HS3ST5: variants seen among roughly 807,000 people sequenced by gnomAD.
HS3ST5 encodes heparan sulfate-glucosamine 3-sulfotransferase 5, also known as heparan sulfate glucosamine 3-O-sulfotransferase 5.
Under a neutral mutation model 25.4 loss-of-function variants are expected in HS3ST5, and 10 were observed. That is an observed-to-expected ratio of 0.39 (90% CI 0.24 to 0.67). The LOEUF (loss-of-function observed/expected upper bound fraction) is 0.67. HS3ST5 is among the 30% of genes least tolerant of loss of function. The pLI, the probability that HS3ST5 is intolerant of heterozygous loss-of-function variation, is 0.44. For missense variants in HS3ST5, 324 were observed against 420.7 expected (o/e 0.77, Z 2.01); for synonymous variants, 170 against 162.4 (o/e 1.05, Z -0.36).
intron 3 of HS3ST5, among the ~76,000 whole-genome samples, chr6:114,146,256 G>A (rs1778157188): frequency 6.6e-6 from 1 of 152,226 alleles, no homozygotes; most frequent in African/African-American, 2.4e-5. Flanking sequence ...TGCGAGCACT[G>A]TGAAAGAGTA....
At chr6:114,065,774 G>A (rs1043007851) in intron 3 of HS3ST5, among the ~76,000 whole-genome samples, 9 of 152,320 alleles carry the variant, frequency 5.9e-5, no homozygotes, top group Admixed American at 4.6e-4. Context: ...AAGGAAAAAT[G>A]TTCTTGCCCC....
At chr6:114,246,498 A>C (rs1157495958) in intron 1 of HS3ST5, among the ~76,000 whole-genome samples, 1 of 152,230 alleles carries the variant, frequency 6.6e-6, no homozygotes, top group Non-Finnish European at 1.5e-5. Context: ...CAGACCTATT[A>C]CAACTGGCTC....
chr6:114,104,933 T>C (rs945623845), intron 3 of HS3ST5, among the ~76,000 whole-genome samples: 10 of 152,116 alleles, frequency 6.6e-5, no homozygotes, highest in African/African-American at 2.4e-4. Flanking sequence ...CCAGTCATCT[T>C]TGCGGTTTAC....
chr6:114,275,230 C>A (rs1773800518), intron 1 of HS3ST5, among the ~76,000 whole-genome samples: 1 of 151,644 alleles, frequency 6.6e-6, no homozygotes, highest in South Asian at 2.1e-4. Context: ...CTTCATGCTC[C>A]TTAGCACCTA....
intron 2 of HS3ST5, among the ~76,000 whole-genome samples, chr6:114,214,149 C>G (rs948495036): frequency 6.6e-6 from 1 of 152,174 alleles, no homozygotes; most frequent in Non-Finnish European, 1.5e-5. Context: ...TCATCTGCAT[C>G]TTCCCTATAG....
chr6:114,119,698 G>A (rs1267010206), intron 3 of HS3ST5, among the ~76,000 whole-genome samples: 2 of 152,140 alleles, frequency 1.3e-5, no homozygotes, highest in Non-Finnish European at 2.9e-5. Context: ...TTACAATAAT[G>A]TCACAAATAA....
intron 1 of HS3ST5, among the ~76,000 whole-genome samples, chr6:114,293,664 A>G (rs1007660886): frequency 2.0e-5 from 3 of 152,250 alleles, no homozygotes; most frequent in African/African-American, 7.2e-5. Flanking sequence ...ATAATAATAC[A>G]TAAGAGCATA....
chr6:114,342,445 G>T lies in HS3ST5; in HGVS notation c.-589C>A. ...AGGCGGCGGCGGCGGCGGCGGCGGC[G>T]GCGAGGTCTGAGGCGGGGAGCCGGG... On this transcript the variant is annotated 5_prime_UTR_variant, in exon 1 of 5. Transcript: ENST00000312719. 5.2e-6 allele frequency: 1 copy of T among 193,284 alleles called. No homozygotes were observed. The highest frequency in any genetic ancestry group is 1.1e-4 in the South Asian group (1 of 8,766). 12.0% of individuals were successfully genotyped at this position (193,284 alleles called of 1,614,324 possible).
chr6:114,242,490 A>T (rs2114590877), intron 1 of HS3ST5, among the ~76,000 whole-genome samples: 1 of 152,334 alleles, frequency 6.6e-6, no homozygotes, highest in East Asian at 1.9e-4. Flanking sequence ...TTAGAGGAGG[A>T]TACTCAAGAA....
intron 3 of HS3ST5, among the ~76,000 whole-genome samples, chr6:114,115,238 T>A (rs1008705494): frequency 5.6e-4 from 86 of 152,260 alleles, no homozygotes; most frequent in African/African-American, 1.9e-3. Flanking sequence ...TAATTTTTTT[T>A]AATTCTGATT....
In HS3ST5 at chr6:114,058,030, G is replaced by A. The variant is rs1439776834; in HGVS notation, c.268C>T (p.Leu90Phe). 6.2e-7 allele frequency: 1 copy of A among 1,614,192 alleles called. No homozygotes were observed. Among genetic ancestry groups the A allele is most frequent in the Admixed American group, 1.7e-5 (1 of 60,026 alleles). Residue 90 changes from leucine to phenylalanine, a missense_variant, in exon 5 of 5, where the codon CTC becomes TTC. Around this residue, in one of 2 missense-constraint regions of HS3ST5, gnomAD observed 121 missense variants for 117.3 expected, o/e 1.03. Coordinates refer to ENST00000312719, the MANE Select transcript of HS3ST5 (RefSeq NM_153612.4). ...ACCCCAATGATAATGGCCTTGGGGAGCTGCTGGACCAGGTCATGGAGGCGA... is the reference window on the plus strand; with the variant it reads ...ACCCCAATGATAATGGCCTTGGGGAACTGCTGGACCAGGTCATGGAGGCGA... ...QVRLHDLVQQ[L>F]PKAIIIGVRK... is the part of the protein sequence containing the mutation.
intron 1 of HS3ST5, among the ~76,000 whole-genome samples, chr6:114,248,217 A>AAAT (rs779273890): frequency 0.14 from 20,135 of 142,710 alleles, 1,417 homozygotes; most frequent in Middle Eastern, 0.19. Flanking sequence ...TGAAAAAAAA[A>AAAT]ATATATATAT....
At chr6:114,132,028 TTTTAA>T (rs2114909574) in intron 3 of HS3ST5, 1 of 152,370 alleles carries the variant, frequency 6.6e-6, no homozygotes. Context: ...GCACCCTAAA[TTTTAA>T]TTTGTTTTTT....
chr6:114,299,752 TC>T (rs1409530026), intron 1 of HS3ST5, among the ~76,000 whole-genome samples: 3 of 152,180 alleles, frequency 2.0e-5, no homozygotes, highest in Non-Finnish European at 2.9e-5. Flanking sequence ...GTGATGATAT[TC>T]TTTGTGAGCA....
At chr6:114,288,136 A>G (rs1774417397) in intron 1 of HS3ST5, among the ~76,000 whole-genome samples, 1 of 152,100 alleles carries the variant, frequency 6.6e-6, no homozygotes. Flanking sequence ...TAATTAATCC[A>G]TTAGGACTAT....
intron 3 of HS3ST5, among the ~76,000 whole-genome samples, chr6:114,081,771 AT>A (rs1426276121): frequency 1.3e-5 from 2 of 152,076 alleles, no homozygotes; most frequent in African/African-American, 4.8e-5. Context: ...CATTATTTTT[AT>A]TGCTGTTTTA....
At chr6:114,118,544 C>T (rs1299534891) in intron 3 of HS3ST5, among the ~76,000 whole-genome samples, 1 of 152,182 alleles carries the variant, frequency 6.6e-6, no homozygotes, top group Non-Finnish European at 1.5e-5. Context: ...TACCTATTCT[C>T]ATTTCTCTAC....
chr6:114,124,239 G>A (rs1006134400), intron 3 of HS3ST5, among the ~76,000 whole-genome samples: 1 of 152,106 alleles, frequency 6.6e-6, no homozygotes, highest in Non-Finnish European at 1.5e-5. Context: ...TGACTGGGCT[G>A]ACAACCCCAT....
chr6:114,133,623 A>T (rs1165054582), intron 3 of HS3ST5, among the ~76,000 whole-genome samples: 1 of 152,198 alleles, frequency 6.6e-6, no homozygotes. Flanking sequence ...GCATTTATTG[A>T]GTGCTTATTG....
Sources: allele counts gnomAD v4.1 joint callset (sites outside exome capture counted in the v4.1 genomes callset), GRCh38; gene constraint gnomAD v4.1.1; regional missense constraint gnomAD v4.1.1; transcripts MANE v1.5; gene names NCBI Gene and HGNC (gene_info 2026-07-23, HGNC 2026-07-21).